ZNF605: variants seen among roughly 807,000 people sequenced by gnomAD.
The protein encoded by ZNF605 is zinc finger protein 605.
A neutral mutation model predicts 7.9 loss-of-function variants in ZNF605; 9 were observed. The ratio of observed to expected loss-of-function variants is 1.14; its 90% CI spans 0.68 to 1.98. The LOEUF (loss-of-function observed/expected upper bound fraction) is 1.98, where lower values mean the gene tolerates loss of function less well. ZNF605 is among the 30% of genes most tolerant of loss of function. The probability of loss-of-function intolerance (pLI) is 0.00; values close to 1 mark genes in which losing one functional copy is unlikely to be tolerated. For missense variants in ZNF605, 673 were observed against 762.4 expected, an observed-to-expected ratio of 0.88 and a Z score of 1.38; for synonymous variants, 255 against 260.1, an observed-to-expected ratio of 0.98 and a Z score of 0.19.
chr12:132,922,178 G>T lies in ZNF605; in HGVS notation c.*3195C>A, dbSNP rs1322129404. 4.6e-5 allele frequency: 7 copies of T among 152,282 alleles called. No individual in the cohort carries two copies. The highest frequency in any genetic ancestry group is 1.7e-4 in the African/African-American group (7 of 41,542). The allele number at this position is 152,282 out of a possible 1,614,324, so 9.4% of individuals were successfully genotyped here. A position where few individuals can be genotyped will look rare whatever the true frequency, so the allele number is the denominator to read the frequency against. On this transcript the variant is annotated 3_prime_UTR_variant, in exon 5 of 5. Coordinates refer to ENST00000360187, the MANE Select transcript of ZNF605 (RefSeq NM_183238.4). ...TACAGCATAACACTTTAGAGAGCTG[G>T]GAAGTATGGGACATCATTCCCGTCT...
At chr12:132,952,227 C>T (rs1018279233) in intron 1 of ZNF605, among the ~76,000 whole-genome samples, 18 of 151,830 alleles carry the variant, frequency 1.2e-4, no homozygotes, top group Non-Finnish European at 2.2e-4. Context: ...GAGGCTGAGG[C>T]GGTAGGCAGA....
At chr12:132,952,365 G>T (rs1952581971) in intron 1 of ZNF605, among the ~76,000 whole-genome samples, 1 of 151,206 alleles carries the variant, frequency 6.6e-6, no homozygotes, top group African/African-American at 2.4e-5. Flanking sequence ...GGGCGTTGAG[G>T]CGGAAGAATC....
chr12:132,925,385 A>G lies in ZNF605; in HGVS notation c.1914T>C (p.Asn638=), dbSNP rs372832218. ...RKSQLMIHQR[N]HII ...AAAGTCATGATTTTTATATTATATG[A>G]TTTCTCTGATGTATCATAAGCTGCG... Residue 638 remains asparagine (N), a synonymous_variant, in exon 5 of 5, where the codon AAT becomes AAC. Transcript: ENST00000360187. The G allele has an allele frequency of 6.3e-7, 1 of 1,577,858 alleles. No homozygotes were observed. Among genetic ancestry groups the G allele is most frequent in the Non-Finnish European group, 8.6e-7 (1 of 1,162,380 alleles).
At position 132,950,655 on chromosome 12, in the gene ZNF605, CACAG is replaced by C. The variant is rs1181651979; in HGVS notation, c.-285-2389_-285-2386del. Among the ~76,000 whole-genome samples, 5 of 151,532 alleles carry C rather than the reference CACAG, an allele frequency of 3.3e-5. No individual in the cohort carries two copies. The South Asian group carries it at 8.3e-4, about 25-fold the overall frequency. Reference sequence around the variant, plus strand: ...ACCCTGAGTACATCGCACATACACTCACAGACACACACAGATACACAGGTACACA... The same window carrying C: ...ACCCTGAGTACATCGCACATACACTCACACACACAGATACACAGGTACACA... On this transcript the variant is annotated intron_variant, in intron 1 of 4. Transcript: ENST00000360187.
chr12:132,928,595 AT>A (rs1410730663), intron 4 of ZNF605, among the ~76,000 whole-genome samples: 1 of 152,204 alleles, frequency 6.6e-6, no homozygotes, highest in African/African-American at 2.4e-5. Flanking sequence ...CTACAAGACC[AT>A]TTATTGCATA....
intron 3 of ZNF605, chr12:132,945,300 T>G: frequency 1.1e-6 from 1 of 913,564 alleles, no homozygotes; most frequent in South Asian, 1.4e-5. Flanking sequence ...ACTTTGTGCT[T>G]CTTTGGACAT....
rs1272280455 is a variant in ZNF605 at position 132,921,455 on chromosome 12, TC to T, written c.*3917del. Reference sequence around the variant, plus strand: ...CAAAATAAAGGGGGGCATGGGAGAATCCTGATGGTGGAAATCATTTTATTCT... The same window carrying T: ...CAAAATAAAGGGGGGCATGGGAGAATCTGATGGTGGAAATCATTTTATTCT... On this transcript the variant is annotated 3_prime_UTR_variant, in exon 5 of 5. Coordinates refer to ENST00000360187, the MANE Select transcript of ZNF605 (RefSeq NM_183238.4). The T allele has an allele frequency of 1.3e-5, 2 of 152,190 alleles. No homozygotes were observed. Among genetic ancestry groups the T allele is most frequent in the African/African-American group, 4.8e-5 (2 of 41,444 alleles). 9.4% of individuals were successfully genotyped at this position (152,190 alleles called of 1,614,324 possible). A position where few individuals can be genotyped will look rare whatever the true frequency, so the allele number is the denominator to read the frequency against.
intron 1 of ZNF605, among the ~76,000 whole-genome samples, chr12:132,950,578 GCACACACACTGATGCACACGTA>G: frequency 6.7e-6 from 1 of 150,172 alleles, no homozygotes; most frequent in South Asian, 2.1e-4. Context: ...ACACAGACGT[GCACACACACTGATGCACACGTA>G]CACACACACA....
intron 1 of ZNF605, among the ~76,000 whole-genome samples, chr12:132,951,508 TAC>T (rs370230615): frequency 0.024 from 3,595 of 149,496 alleles, 132 homozygotes; most frequent in African/African-American, 0.083. Context: ...CACACACACG[TAC>T]ACACACACTG....
chr12:132,944,159 T>C (rs1399719306), intron 3 of ZNF605, among the ~76,000 whole-genome samples: 1 of 152,112 alleles, frequency 6.6e-6, no homozygotes, highest in African/African-American at 2.4e-5. Context: ...GGTGGGCGCC[T>C]TCCTCCTCCT....
chr12:132,926,862 C>T lies in ZNF605; in HGVS notation c.437G>A (p.Ser146Asn). 6.2e-7 allele frequency: 1 copy of T among 1,614,190 alleles called. No homozygotes were observed. Among genetic ancestry groups the T allele is most frequent in the Non-Finnish European group, 8.5e-7 (1 of 1,180,034 alleles). Residue 146 changes from serine to asparagine, a missense_variant, in exon 5 of 5, where the codon AGT (serine) becomes AAT (asparagine). Ser to Asn is a conservative substitution (Grantham distance 46). Coordinates refer to ENST00000360187, the MANE Select transcript of ZNF605 (RefSeq NM_183238.4). ...TTCGTTGCTGGATTTTCTACATGTA[C>T]TGCAATCACAGTATTTTATCCCACC... Reference protein sequence around the residue: ...THGGIKYCDCSTCRKSSNEEP... With the variant: ...THGGIKYCDCNTCRKSSNEEP...
rs1952184097 is a variant in ZNF605 at position 132,919,435 on chromosome 12, G to C, written c.*5938C>G. 1 of 137,594 alleles carries C rather than the reference G, an allele frequency of 7.3e-6. No homozygotes were observed. The highest frequency in any genetic ancestry group is 1.5e-5 in the Non-Finnish European group (1 of 66,100). The allele number at this position is 137,594 out of a possible 1,614,324, so 8.5% of individuals were successfully genotyped here. A position where few individuals can be genotyped will look rare whatever the true frequency, so the allele number is the denominator to read the frequency against. On this transcript the variant is annotated 3_prime_UTR_variant, in exon 5 of 5. Transcript: ENST00000360187. ...GAGTCTCGCTTTGTCGCTCAGGCCA[G>C]AGTGAGTGCAGTGGCGCGATCTCAG...
chr12:132,942,374 C>T (rs201121245), intron 3 of ZNF605, among the ~76,000 whole-genome samples: 59 of 152,306 alleles, frequency 3.9e-4, no homozygotes, highest in East Asian at 7.7e-4. Context: ...ACGGTGCTGA[C>T]GAGGAGAGGC....
At chr12:132,939,422 G>A (rs1417045465) in intron 3 of ZNF605, among the ~76,000 whole-genome samples, 3 of 152,160 alleles carry the variant, frequency 2.0e-5, no homozygotes, top group Non-Finnish European at 4.4e-5. Context: ...CTCAAGGTTT[G>A]TAAACACACC....
At chr12:132,942,770 A>G (rs1284246979) in intron 3 of ZNF605, among the ~76,000 whole-genome samples, 2 of 152,190 alleles carry the variant, frequency 1.3e-5, no homozygotes, top group Non-Finnish European at 1.5e-5. Flanking sequence ...TTGATGCCTC[A>G]GGCCAGGTAA....
chr12:132,951,887 TCATA>T (rs1264337112), intron 1 of ZNF605, among the ~76,000 whole-genome samples: 2 of 148,718 alleles, frequency 1.3e-5, no homozygotes, highest in Non-Finnish European at 3.0e-5. Context: ...ACATACACAC[TCATA>T]CACACATCAC....
chr12:132,925,839 C>T lies in ZNF605; in HGVS notation c.1460G>A (p.Ser487Asn). 1 of 1,614,136 alleles carries T rather than the reference C, an allele frequency of 6.2e-7. No homozygotes were observed. The highest frequency in any genetic ancestry group is 8.5e-7 in the Non-Finnish European group (1 of 1,180,018). ...YECSECRKTF[S>N]EKSSLIHHQR... ...ATGATGAATGAGACTTGACTTCTCA[C>T]TGAAGGTTTTCCTGCATTCACTGCA... The change falls in exon 5 of 5, where the codon AGT (serine) becomes AAT (asparagine). Residue 487 changes from serine to asparagine, a missense_variant. Transcript: ENST00000360187.
rs982067615 is a variant in ZNF605 at position 132,938,125 on chromosome 12, C to A, written c.16-4970G>T. Among the ~76,000 whole-genome samples, 23 of 151,752 alleles carry A rather than the reference C, an allele frequency of 1.5e-4. 1 individual carries two copies. The highest frequency in any genetic ancestry group is 1.5e-3 in the Admixed American group (23 of 15,234). ...CCTCCCAAGTAGCTGGGACTACAGG[C>A]GCCTGCCACTACGCCCGGCTAACTT... is the stretch of plus-strand genomic sequence containing the variant. On this transcript the variant is annotated intron_variant, in intron 3 of 4. Coordinates refer to ENST00000360187, the MANE Select transcript of ZNF605 (RefSeq NM_183238.4).
chr12:132,929,994 T>C (rs1315922410), intron 4 of ZNF605, among the ~76,000 whole-genome samples: 3 of 152,246 alleles, frequency 2.0e-5, no homozygotes, highest in Admixed American at 6.5e-5. Flanking sequence ...GATTAAATGA[T>C]AAACAATAAT....
Sources: gnomAD v4.1 joint callset for allele counts (sites outside exome capture counted in the v4.1 genomes callset) on GRCh38, gnomAD v4.1.1 for gene constraint, MANE v1.5 for transcripts, NCBI Gene and HGNC (gene_info 2026-07-23, HGNC 2026-07-21) for gene names.